Variants in FYN observed in about 807,000 individuals in gnomAD.
FYN encodes FYN proto-oncogene, Src family tyrosine kinase, also known as tyrosine-protein kinase Fyn.
FYN carries 10 observed loss-of-function variants against 70.2 expected under a neutral mutation model. The ratio of observed to expected loss-of-function variants is 0.14; its 90% CI spans 0.09 to 0.24. FYN has a LOEUF of 0.24. FYN is among the 10% of genes least tolerant of loss of function. The pLI is 1.00. For synonymous variants in FYN, 236 were observed against 248.6 expected, an observed-to-expected ratio of 0.95 and a Z score of 0.48; for missense variants, 319 against 673.1, an observed-to-expected ratio of 0.47 and a Z score of 5.82.
chr6:111,685,713 A>C (rs1798976461), intron 12 of FYN, among the ~76,000 whole-genome samples: 1 of 152,236 alleles, frequency 6.6e-6, no homozygotes, highest in African/African-American at 2.4e-5. Context: ...GAGGGTGACC[A>C]TCTGCTTCCT....
At chr6:111,853,270 A>G (rs1267409961) in intron 1 of FYN, among the ~76,000 whole-genome samples, 2 of 152,176 alleles carry the variant, frequency 1.3e-5, no homozygotes, top group Non-Finnish European at 2.9e-5. Context: ...TCTGCTGACC[A>G]ACTTTGTTAT....
At position 111,661,602 on chromosome 6, in the gene FYN, T is replaced by C; in HGVS notation, c.*137A>G. Reference sequence around the variant, plus strand: ...GTGTCATTAATGAGGGCCATGGAAGTTCGTCAGCTTCAGAGTCACATGCAA... The same window carrying C: ...GTGTCATTAATGAGGGCCATGGAAGCTCGTCAGCTTCAGAGTCACATGCAA... On this transcript the variant is annotated 3_prime_UTR_variant, in exon 14 of 14. Transcript: ENST00000354650. The surrounding 1 kb of genome is among the most constrained non-coding windows in gnomAD (Gnocchi z 4.0). The C allele has an allele frequency of 1.3e-6, 1 of 762,946 alleles. No homozygotes were observed. The allele number at this position is 762,946 out of a possible 1,614,324, so 47.3% of individuals were successfully genotyped here. A position where few individuals can be genotyped will look rare whatever the true frequency, so the allele number is the denominator to read the frequency against.
In FYN at chr6:111,686,104, C is replaced by T. The variant is rs1031631118; in HGVS notation, c.1273+8271G>A. On this transcript the variant is annotated intron_variant, in intron 12 of 13. Transcript: ENST00000354650. ...TCTTTGGCTTTCAACACACCCTTTC[C>T]GGGAGGAAAATGGATGCGCTCTACA... is the stretch of plus-strand genomic sequence containing the variant. Among the ~76,000 whole-genome samples, 5 of 152,036 alleles carry T rather than the reference C, an allele frequency of 3.3e-5. 1 individual carries two copies. In the South Asian group the frequency reaches 6.2e-4, roughly 19 times the overall value.
At chr6:111,801,590 C>T (rs556839117) in intron 2 of FYN, among the ~76,000 whole-genome samples, 8 of 152,302 alleles carry the variant, frequency 5.3e-5, no homozygotes, top group Admixed American at 1.3e-4. Context: ...GTGAATACGT[C>T]GTTCACTCTC....
At chr6:111,853,519 G>A (rs544528564) in intron 1 of FYN, among the ~76,000 whole-genome samples, 7 of 152,106 alleles carry the variant, frequency 4.6e-5, no homozygotes, top group Non-Finnish European at 8.8e-5. Context: ...GAGCACAAAC[G>A]GCCTCTTGCT....
chr6:111,837,776 C>T (rs1773233772), intron 2 of FYN, among the ~76,000 whole-genome samples: 1 of 151,766 alleles, frequency 6.6e-6, no homozygotes, highest in South Asian at 2.1e-4. Flanking sequence ...AGGACTTCCT[C>T]AAGCCCCCAA....
intron 2 of FYN, among the ~76,000 whole-genome samples, chr6:111,789,640 T>C (rs1271241624): frequency 6.6e-6 from 1 of 152,224 alleles, no homozygotes; most frequent in Non-Finnish European, 1.5e-5. Flanking sequence ...ATGTCTTTCT[T>C]TTCTTACTGG....
intron 2 of FYN, among the ~76,000 whole-genome samples, chr6:111,784,670 C>CT (rs1245578496): frequency 1.3e-5 from 2 of 152,248 alleles, no homozygotes; most frequent in East Asian, 3.9e-4. Context: ...GCTTCAGACT[C>CT]TAACAGGGAA....
intron 12 of FYN, among the ~76,000 whole-genome samples, chr6:111,692,310 C>T (rs944408124): frequency 7.9e-5 from 12 of 152,292 alleles, no homozygotes; most frequent in South Asian, 4.1e-4. Flanking sequence ...GGGGCTCTGA[C>T]GGCACCTGGG....
At chr6:111,689,607 A>G (rs1799213243) in intron 12 of FYN, among the ~76,000 whole-genome samples, 1 of 152,248 alleles carries the variant, frequency 6.6e-6, no homozygotes, top group Non-Finnish European at 1.5e-5. Context: ...TCAGCCATGA[A>G]AAGAACTACT....
At chr6:111,672,951 C>T (rs1798352824) in intron 13 of FYN, among the ~76,000 whole-genome samples, 1 of 152,112 alleles carries the variant, frequency 6.6e-6, no homozygotes, top group South Asian at 2.1e-4. Context: ...GTCTTGGTTT[C>T]TGTGTGAGAC....
intron 3 of FYN, among the ~76,000 whole-genome samples, chr6:111,777,901 T>A (rs1407461562): frequency 6.6e-6 from 1 of 152,178 alleles, no homozygotes; most frequent in African/African-American, 2.4e-5. Context: ...TGTAAGAGGA[T>A]GAGCTGCGCC....
At chr6:111,801,459 G>A (rs564304860) in intron 2 of FYN, among the ~76,000 whole-genome samples, 2 of 152,252 alleles carry the variant, frequency 1.3e-5, no homozygotes, top group Admixed American at 6.5e-5. Context: ...CAATTCTTAC[G>A]ACATGTAGTT....
intron 2 of FYN, among the ~76,000 whole-genome samples, chr6:111,822,704 AAAAG>A (rs1316323991): frequency 9.9e-5 from 15 of 152,012 alleles, no homozygotes; most frequent in Middle Eastern, 3.4e-3. Flanking sequence ...AAAAAATAAA[AAAAG>A]AAAGAAATAA....
chr6:111,798,060 G>A (rs189526058), intron 2 of FYN, among the ~76,000 whole-genome samples: 8 of 152,186 alleles, frequency 5.3e-5, no homozygotes, highest in Non-Finnish European at 1.2e-4. Context: ...CACCGTGCCC[G>A]ACCCTAGTTT....
intron 13 of FYN, among the ~76,000 whole-genome samples, chr6:111,673,619 A>ACTGTTT (rs1301768351): frequency 0.086 from 5,518 of 64,268 alleles, 217 homozygotes; most frequent in East Asian, 0.2. Flanking sequence ...CGTTTCTATC[A>ACTGTTT]TTGTTTTTTT....
chr6:111,708,047 T>C lies in FYN; in HGVS notation c.345-27A>G, dbSNP rs373741551. 2.6e-6 allele frequency: 4 copies of C among 1,553,378 alleles called. No homozygotes were observed. The African/African-American group carries it at 4.1e-5, about 16-fold the overall frequency. ...TGTAAATAAAAAAGAAAAGTAAATA[T>C]GTTGACCATTTCAACAGCTTGCAGT... On this transcript the variant is annotated intron_variant, in intron 5 of 13. Transcript: ENST00000354650.
chr6:111,779,866 C>T (rs1427664637), intron 3 of FYN, among the ~76,000 whole-genome samples: 1 of 152,194 alleles, frequency 6.6e-6, no homozygotes, highest in Non-Finnish European at 1.5e-5. Flanking sequence ...TACTATGCTC[C>T]AGCACTACCT....
chr6:111,827,348 C>T (rs922186496), intron 2 of FYN, among the ~76,000 whole-genome samples: 68 of 152,158 alleles, frequency 4.5e-4, no homozygotes, highest in Non-Finnish European at 4.4e-5. Flanking sequence ...CTTTGGGGCT[C>T]TATGTCCTCT....
Sources: gnomAD v4.1 joint callset for allele counts (sites outside exome capture counted in the v4.1 genomes callset) on GRCh38, gnomAD v4.1.1 for gene constraint, Gnocchi (gnomAD v3.1) non-coding constraint, MANE v1.5 for transcripts, NCBI Gene and HGNC (gene_info 2026-07-23, HGNC 2026-07-21) for gene names.